The following SLC12A7 variants were observed in gnomAD, a reference collection of about 807,000 sequenced individuals.
SLC12A7 encodes K-Cl cotransporter 4.
A neutral mutation model predicts 120.6 loss-of-function variants in SLC12A7; 100 were observed. That is an observed-to-expected ratio of 0.83 (90% confidence interval 0.71 to 0.98). The LOEUF (loss-of-function observed/expected upper bound fraction) is 0.98, where lower values mean the gene tolerates loss of function less well. Among genes scored for constraint, SLC12A7 ranks in the 50% least tolerant of loss-of-function variants. The pLI is 0.00. For missense variants in SLC12A7, 1,373 were observed against 1,548.1 expected (o/e 0.89, Z 1.90); for synonymous variants, 760 against 678.0 (o/e 1.12, Z -1.88).
At chr5:1,129,902 T>C in the SLC12A7 span, among the ~76,000 whole-genome samples, 1 of 152,106 alleles carries the variant, frequency 6.6e-6, no homozygotes, top group South Asian at 2.1e-4. Context: ...CATTGTGTCC[T>C]GGGCGTGAAG....
chr5:1,136,250 T>G, the SLC12A7 span, among the ~76,000 whole-genome samples: 1 of 150,880 alleles, frequency 6.6e-6, no homozygotes, highest in Non-Finnish European at 1.5e-5. Context: ...CCAACCCAGC[T>G]CCGAGAAATC....
rs1229144737 is a variant in SLC12A7 at position 1,065,224 on chromosome 5, A to AG, written c.2437+58_2437+59insC. The AG allele has an allele frequency of 1.9e-4, 244 of 1,255,980 alleles. No homozygotes were observed. In the African/African-American group the frequency reaches 2.0e-3, roughly 10 times the overall value. The allele number at this position is 1,255,980 out of a possible 1,614,324, so 77.8% of individuals were successfully genotyped here. On this transcript the variant is annotated intron_variant, in intron 18 of 23. Transcript: ENST00000264930. ...GACACACAGGGGACAGCGAGGGGAC[A>AG]CTGAGAGGACACAGAGGGGACGGTG...
chr5:1,083,836 G>A lies in SLC12A7; in HGVS notation c.1038C>T (p.Ser346=). The A allele has an allele frequency of 6.2e-7, 1 of 1,608,818 alleles. No homozygotes were observed. The highest frequency in any genetic ancestry group is 1.1e-5 in the South Asian group (1 of 90,764). ...ACTCGTCACAGGCGGCGCTGGGCTG[G>A]GAGCCGTTGCAGAAGAGGCCCCAGA... ...SALWGLFCNG[S]QPSAACDEYF... Residue 346 remains serine (S), a synonymous_variant, in exon 8 of 24, where the codon TCC becomes TCT. Coordinates refer to ENST00000264930, the MANE Select transcript of SLC12A7 (RefSeq NM_006598.3).
At chr5:1,126,633 C>T in the SLC12A7 span, among the ~76,000 whole-genome samples, 1 of 152,208 alleles carries the variant, frequency 6.6e-6, no homozygotes, top group Non-Finnish European at 1.5e-5. Context: ...TCCTTCCCCT[C>T]CTCCCACTCT....
the SLC12A7 span, among the ~76,000 whole-genome samples, chr5:1,121,932 C>T: frequency 7.9e-5 from 12 of 152,192 alleles, no homozygotes; most frequent in Non-Finnish European, 1.3e-4. Flanking sequence ...ATCAGCTCAG[C>T]GCCCACCCTA....
Position 1,056,653 on chromosome 5 carries a change from T to A in SLC12A7, c.3026+818A>T, listed in dbSNP as rs550549005. Reference sequence around the variant, plus strand: ...CTGACTTCAGGAGAGAGCACCAGGCTGTTCCAGATCGCATGGCTGCCCAGG... The same window carrying A: ...CTGACTTCAGGAGAGAGCACCAGGCAGTTCCAGATCGCATGGCTGCCCAGG... On this transcript the variant is annotated intron_variant, in intron 22 of 23. Coordinates refer to ENST00000264930, the MANE Select transcript of SLC12A7 (RefSeq NM_006598.3). 8.6e-6 allele frequency: 8 copies of A among 932,678 alleles called. No homozygotes were observed. The East Asian group carries it at 9.4e-4, about 109-fold the overall frequency. 57.8% of individuals were successfully genotyped at this position (932,678 alleles called of 1,614,324 possible).
At chr5:1,076,838 G>A (rs780698381) in intron 12 of SLC12A7, 26 bp from the exon 13 acceptor site, 5 of 1,501,244 alleles carry the variant, frequency 3.3e-6, no homozygotes, top group Non-Finnish European at 9.2e-7. Flanking sequence ...CAGGAAGATG[G>A]GGCAGATGAC....
chr5:1,093,750 C>T (rs1438830522), intron 2 of SLC12A7, 95 bp from the exon 3 acceptor site: 22 of 1,538,498 alleles, frequency 1.4e-5, no homozygotes, highest in Non-Finnish European at 1.9e-5. Context: ...TCAGGCCCTC[C>T]CCGGGTCCTC....
chr5:1,118,982 GAA>G, the SLC12A7 span, among the ~76,000 whole-genome samples: 1 of 152,158 alleles, frequency 6.6e-6, no homozygotes, highest in Non-Finnish European at 1.5e-5. Context: ...CTCCCCAGAG[GAA>G]TGTTCTGGGG....
At chr5:1,085,611 G>T (rs946072390) in intron 6 of SLC12A7, 138 bp from the exon 7 acceptor site, 36 of 1,263,022 alleles carry the variant, frequency 2.9e-5, no homozygotes, top group Non-Finnish European at 1.1e-6. Flanking sequence ...CGTGCTGGAC[G>T]GAGCCCGCGG....
intron 10 of SLC12A7, 90 bp downstream of exon 10, chr5:1,079,308 G>A: frequency 1.0e-6 from 1 of 986,372 alleles, no homozygotes; most frequent in Non-Finnish European, 1.6e-6. Flanking sequence ...ACATGCTGGT[G>A]GCCGAGGGTA....
chr5:1,056,612 A>T (rs1735638995), intron 22 of SLC12A7: 1 of 984,704 alleles, frequency 1.0e-6, no homozygotes, highest in Non-Finnish European at 1.2e-6. Flanking sequence ...CAGGAGAAAA[A>T]AACAAGAGTG....
intron 5 of SLC12A7, among the ~76,000 whole-genome samples, chr5:1,087,858 A>C (rs965074718): frequency 6.6e-6 from 1 of 152,244 alleles, no homozygotes; most frequent in Non-Finnish European, 1.5e-5. Flanking sequence ...TTAACTTATT[A>C]CTAATTAATA....
At position 1,076,024 on chromosome 5, in the gene SLC12A7, C is replaced by T. The variant is rs988898101; in HGVS notation, c.1847+114G>A. On this transcript the variant is annotated intron_variant, in intron 14 of 23. Coordinates refer to ENST00000264930, the MANE Select transcript of SLC12A7 (RefSeq NM_006598.3). ...GAGCAGCTGGCCTTGTAGAGGCACCCAGTGTCCCAGCCTGTGGGGCTCCTG... is the reference window on the plus strand; with the variant it reads ...GAGCAGCTGGCCTTGTAGAGGCACCTAGTGTCCCAGCCTGTGGGGCTCCTG... 37 of 844,582 alleles carry T rather than the reference C, an allele frequency of 4.4e-5. No individual in the cohort carries two copies. In the African/African-American group the frequency reaches 6.0e-4, roughly 14 times the overall value. 52.3% of individuals were successfully genotyped at this position (844,582 alleles called of 1,614,324 possible).
chr5:1,088,404 C>A, intron 4 of SLC12A7, 44 bp from the exon 5 acceptor site: 1 of 1,549,954 alleles, frequency 6.5e-7, no homozygotes, highest in Non-Finnish European at 8.7e-7. Context: ...TTTCCAACAG[C>A]CTGCCGGCAT....
chr5:1,097,095 C>T (rs1741341012), intron 1 of SLC12A7, among the ~76,000 whole-genome samples: 1 of 152,196 alleles, frequency 6.6e-6, no homozygotes, highest in Non-Finnish European at 1.5e-5. Flanking sequence ...AGGAGTGCAG[C>T]TTGGGGCTCC....
Position 1,085,445 on chromosome 5 carries a change from A to G in SLC12A7, c.704T>C (p.Phe235Ser), listed in dbSNP as rs1260256696. The G allele has an allele frequency of 6.2e-7, 1 of 1,609,130 alleles. No individual in the cohort carries two copies. Among genetic ancestry groups the G allele is most frequent in the African/African-American group, 1.3e-5 (1 of 74,888 alleles). Residue 235 changes from phenylalanine to serine, a missense_variant, in exon 7 of 24, where the codon TTC becomes TCC. By Grantham distance (155) the Phe-to-Ser change is radical (BLOSUM62 -2). Coordinates refer to ENST00000264930, the MANE Select transcript of SLC12A7 (RefSeq NM_006598.3). ...LTYISPGAAI[F>S]QAEAAGGEAA... is the part of the protein sequence containing the mutation. ...CTCGCCACCTGCAGCCTCCGCCTGG[A>G]AGATGGCCGCACCCGGGGAGATGTA...
At position 1,052,272 on chromosome 5, in the gene SLC12A7, G is replaced by T; in HGVS notation, c.*88C>A. On this transcript the variant is annotated 3_prime_UTR_variant, in exon 24 of 24. Coordinates refer to ENST00000264930, the MANE Select transcript of SLC12A7 (RefSeq NM_006598.3). ...GCATCACTGGGGGACAGGTGTGTCTGCCGTCTGTTTCCCTGGGCCAAGCCC... is the reference window on the plus strand; with the variant it reads ...GCATCACTGGGGGACAGGTGTGTCTTCCGTCTGTTTCCCTGGGCCAAGCCC... The T allele has an allele frequency of 1.8e-6, 2 of 1,112,026 alleles. No individual in the cohort carries two copies. The highest frequency in any genetic ancestry group is 2.7e-6 in the Non-Finnish European group (2 of 727,678). 68.9% of individuals were successfully genotyped at this position (1,112,026 alleles called of 1,614,324 possible).
At chr5:1,096,936 G>A (rs1448400317) in intron 1 of SLC12A7, among the ~76,000 whole-genome samples, 2 of 150,798 alleles carry the variant, frequency 1.3e-5, no homozygotes, top group Non-Finnish European at 3.0e-5. Context: ...GAGGGAGGGA[G>A]AGACCCGAGG....
Sources: gnomAD v4.1 joint callset for allele counts (sites outside exome capture counted in the v4.1 genomes callset) on GRCh38, gnomAD v4.1.1 for gene constraint, MANE v1.5 for transcripts, NCBI Gene and HGNC (gene_info 2026-07-23, HGNC 2026-07-21) for gene names.